ZMIZ1: variants seen among roughly 807,000 people sequenced by gnomAD.
The protein encoded by ZMIZ1 is zinc finger MIZ-type containing 1.
A neutral mutation model predicts 113.9 loss-of-function variants in ZMIZ1; 17 were observed. That is an observed-to-expected ratio of 0.15 (90% CI 0.10 to 0.22). The LOEUF is 0.22. ZMIZ1 is among the 10% of genes least tolerant of loss of function. ZMIZ1 has a pLI of 1.00. For synonymous variants in ZMIZ1, 607 were observed against 603.1 expected, an observed-to-expected ratio of 1.01 and a Z score of -0.09; for missense variants, 1,059 against 1,477.8, an observed-to-expected ratio of 0.72 and a Z score of 4.65.
In ZMIZ1 at chr10:79,186,658, G is replaced by A. The variant is rs376749001; in HGVS notation, c.-49-14926G>A. On this transcript the variant is annotated intron_variant, in intron 4 of 24. Coordinates refer to ENST00000334512, the MANE Select transcript of ZMIZ1 (RefSeq NM_020338.4). ...CTGCTTATAGAGACGTACAGCAATAGTAAATCACAGGTCAGAAGTAGCACT... is the reference window on the plus strand; with the variant it reads ...CTGCTTATAGAGACGTACAGCAATAATAAATCACAGGTCAGAAGTAGCACT... 5.9e-5 allele frequency among the ~76,000 whole-genome samples: 9 copies of A among 152,346 alleles called. No homozygotes were observed. The East Asian group carries it at 9.6e-4, about 16-fold the overall frequency.
chr10:79,286,639 A>G lies in ZMIZ1; in HGVS notation c.426-3136A>G, dbSNP rs574698011. On this transcript the variant is annotated intron_variant, in intron 8 of 24. Transcript: ENST00000334512. Reference sequence around the variant, plus strand: ...CTCTGGGGCGGCAAACCTTCCAGCCAGGCAGTGGGATGGCCAGTTTGGGAA... The same window carrying G: ...CTCTGGGGCGGCAAACCTTCCAGCCGGGCAGTGGGATGGCCAGTTTGGGAA... 2.0e-5 allele frequency among the ~76,000 whole-genome samples: 3 copies of G among 152,374 alleles called. No homozygotes were observed. In the South Asian group the frequency reaches 6.2e-4, roughly 32 times the overall value.
chr10:79,214,622 G>C (rs1848648588), intron 6 of ZMIZ1, among the ~76,000 whole-genome samples: 1 of 152,176 alleles, frequency 6.6e-6, no homozygotes, highest in Admixed American at 6.5e-5. Flanking sequence ...GTTGGATCTA[G>C]GGGCCAGGCC....
chr10:79,242,504 CTTTAAACCGAGA>C (rs942533985), intron 7 of ZMIZ1, among the ~76,000 whole-genome samples: 1 of 152,108 alleles, frequency 6.6e-6, no homozygotes, highest in Non-Finnish European at 1.5e-5. Flanking sequence ...TCCGAAAATC[CTTTAAACCGAGA>C]TTTAATCTGG....
chr10:79,259,325 T>C (rs530411528), intron 7 of ZMIZ1, among the ~76,000 whole-genome samples: 1 of 151,748 alleles, frequency 6.6e-6, no homozygotes, highest in East Asian at 1.9e-4. Context: ...AGGGGAGGAG[T>C]GGGAGGGAGT....
chr10:79,113,421 T>TAAAG (rs1843836566), intron 1 of ZMIZ1, among the ~76,000 whole-genome samples: 1 of 152,046 alleles, frequency 6.6e-6, no homozygotes, highest in Non-Finnish European at 1.5e-5. Flanking sequence ...GCAGCTAGGG[T>TAAAG]GAACCCCAAC....
At chr10:79,261,311 C>A (rs1053625696) in intron 7 of ZMIZ1, among the ~76,000 whole-genome samples, 4 of 152,232 alleles carry the variant, frequency 2.6e-5, no homozygotes, top group Non-Finnish European at 5.9e-5. Context: ...TGTTCCCTTC[C>A]CTCTCCCTAC....
At chr10:79,254,038 A>G (rs1850722202) in intron 7 of ZMIZ1, among the ~76,000 whole-genome samples, 1 of 152,236 alleles carries the variant, frequency 6.6e-6, no homozygotes, top group Admixed American at 6.5e-5. Context: ...TTGAGTAGCT[A>G]TCACTTGTTT....
At chr10:79,281,907 A>G (rs558529244) in intron 8 of ZMIZ1, among the ~76,000 whole-genome samples, 2 of 152,362 alleles carry the variant, frequency 1.3e-5, no homozygotes, top group South Asian at 4.1e-4. Flanking sequence ...TTCAGGGTCA[A>G]CGAGGTGGTA....
chr10:79,260,882 A>G (rs934954410), intron 7 of ZMIZ1, among the ~76,000 whole-genome samples: 43 of 152,300 alleles, frequency 2.8e-4, no homozygotes, highest in African/African-American at 1.0e-3. Context: ...ACCTCTCTGA[A>G]CACTAGTTTC....
chr10:79,093,467 C>T (rs1383441373), intron 1 of ZMIZ1, among the ~76,000 whole-genome samples: 1 of 152,018 alleles, frequency 6.6e-6, no homozygotes, highest in Non-Finnish European at 1.5e-5. Flanking sequence ...ACTGGGATTA[C>T]AGGCGCCTGC....
At chr10:79,237,530 A>G (rs1287375549) in intron 7 of ZMIZ1, among the ~76,000 whole-genome samples, 1 of 152,156 alleles carries the variant, frequency 6.6e-6, no homozygotes, top group African/African-American at 2.4e-5. Context: ...ATCTTCTCCA[A>G]GGTTCTCTCC....
rs78413122 is a variant in ZMIZ1 at position 79,250,842 on chromosome 10, G to T, written c.281-26339G>T. 1.5e-4 allele frequency among the ~76,000 whole-genome samples: 23 copies of T among 152,278 alleles called. 1 individual carries two copies. The East Asian group carries it at 4.5e-3, about 29-fold the overall frequency. Reference sequence around the variant, plus strand: ...CTGAGAGGAAATTCTGGGAGCTGGGGAAGGGTCCCAGGAGCCAACACACGG... The same window carrying T: ...CTGAGAGGAAATTCTGGGAGCTGGGTAAGGGTCCCAGGAGCCAACACACGG... On this transcript the variant is annotated intron_variant, in intron 7 of 24. Coordinates refer to ENST00000334512, the MANE Select transcript of ZMIZ1 (RefSeq NM_020338.4).
chr10:79,214,255 G>C (rs999011663), intron 6 of ZMIZ1, among the ~76,000 whole-genome samples: 2 of 152,214 alleles, frequency 1.3e-5, no homozygotes, highest in African/African-American at 4.8e-5. Flanking sequence ...GGGGCAAACA[G>C]AGCCCGTGGG....
chr10:79,229,748 A>C (rs1171856427), intron 7 of ZMIZ1, among the ~76,000 whole-genome samples: 1 of 152,170 alleles, frequency 6.6e-6, no homozygotes, highest in Non-Finnish European at 1.5e-5. Flanking sequence ...CCTGGCAGGG[A>C]CATGCTTAGG....
Position 79,159,562 on chromosome 10 carries a change from C to T in ZMIZ1, c.-130-2491C>T, listed in dbSNP as rs1022200317. 3.9e-5 allele frequency among the ~76,000 whole-genome samples: 6 copies of T among 152,238 alleles called. No individual in the cohort carries two copies. The East Asian group carries it at 1.2e-3, about 29-fold the overall frequency. The stretch of plus-strand genomic sequence containing the variant: ...TGTGTTCCTGTGGGCTGCTTATTAG[C>T]TGTGCGACCTCAGGAGGTTATAGAA... On this transcript the variant is annotated intron_variant, in intron 3 of 24. Transcript: ENST00000334512.
intron 2 of ZMIZ1, among the ~76,000 whole-genome samples, chr10:79,132,277 G>A (rs1346138051): frequency 6.6e-6 from 1 of 152,174 alleles, no homozygotes; most frequent in Non-Finnish European, 1.5e-5. Flanking sequence ...TCCAAGTCCT[G>A]AGTGCAGCAG....
At chr10:79,101,716 A>G (rs1262794188) in intron 1 of ZMIZ1, among the ~76,000 whole-genome samples, 2 of 152,126 alleles carry the variant, frequency 1.3e-5, no homozygotes, top group African/African-American at 4.8e-5. Context: ...GCGGGTGGCC[A>G]GGTGACGGCC....
At chr10:79,312,498 C>A (rs989596576) in intron 24 of ZMIZ1, 144 bp from the exon 25 acceptor site, 14 of 816,018 alleles carry the variant, frequency 1.7e-5, no homozygotes, top group South Asian at 1.1e-4. Context: ...AGGCCCAAGC[C>A]CAAGGCTGTT....
chr10:79,187,787 G>A (rs2132598282), intron 4 of ZMIZ1, among the ~76,000 whole-genome samples: 1 of 152,320 alleles, frequency 6.6e-6, no homozygotes, highest in South Asian at 2.1e-4. Context: ...GCTGACCCAG[G>A]GCAGCGCCTG....
Sources: allele counts gnomAD v4.1 joint callset (sites outside exome capture counted in the v4.1 genomes callset), GRCh38; gene constraint gnomAD v4.1.1; transcripts MANE v1.5; gene names NCBI Gene and HGNC (gene_info 2026-07-23, HGNC 2026-07-21).